BABAM2: variants seen among roughly 807,000 people sequenced by gnomAD.
BABAM2 encodes the protein BRISC and BRCA1 A complex member 2, also known as BRISC and BRCA1-A complex member 2.
Under a neutral mutation model 54.7 loss-of-function variants are expected in BABAM2, and 31 were observed. The ratio of observed to expected loss-of-function variants is 0.57; its 90% CI spans 0.43 to 0.77. The LOEUF (loss-of-function observed/expected upper bound fraction) is 0.77. Ranked by LOEUF, BABAM2 falls within the 30% of genes least tolerant of loss-of-function variation. The pLI is 0.00. For missense variants in BABAM2, 364 were observed against 455.8 expected, an observed-to-expected ratio of 0.80 and a Z score of 1.83; for synonymous variants, 167 against 162.9, an observed-to-expected ratio of 1.03 and a Z score of -0.19.
At chr2:28,003,817 G>T (rs1204182717) in intron 4 of BABAM2, among the ~76,000 whole-genome samples, 1 of 152,070 alleles carries the variant, frequency 6.6e-6, no homozygotes, top group Admixed American at 6.5e-5. Context: ...ATGTAAAAAT[G>T]GAAAGAAAAC....
chr2:28,016,660 A>G (rs1019379996), intron 4 of BABAM2, among the ~76,000 whole-genome samples: 1 of 152,248 alleles, frequency 6.6e-6, no homozygotes, highest in Admixed American at 6.5e-5. Flanking sequence ...ATCAGACTCT[A>G]TAGGCTCTGC....
intron 7 of BABAM2, among the ~76,000 whole-genome samples, chr2:28,207,924 G>T (rs6753587): frequency 0.86 from 130,142 of 152,106 alleles, 55,973 homozygotes; most frequent in East Asian, 1. Context: ...TTTTGTTTCT[G>T]TCCTTCACAA....
At chr2:27,957,493 T>A (rs1279921668) in intron 3 of BABAM2, among the ~76,000 whole-genome samples, 1 of 152,232 alleles carries the variant, frequency 6.6e-6, no homozygotes. Flanking sequence ...TAATTTGCTT[T>A]CTACCCTCTA....
chr2:27,914,210 C>A (rs150725499), intron 2 of BABAM2, among the ~76,000 whole-genome samples: 18 of 152,250 alleles, frequency 1.2e-4, no homozygotes, highest in African/African-American at 4.3e-4. Context: ...TATCTCTAGT[C>A]ATGTGGAAGC....
At chr2:27,975,005 A>C (rs1671487633) in intron 3 of BABAM2, among the ~76,000 whole-genome samples, 1 of 152,092 alleles carries the variant, frequency 6.6e-6, no homozygotes, top group Non-Finnish European at 1.5e-5. Flanking sequence ...TGCCAAAAAA[A>C]TGCTTAGTTA....
chr2:28,261,735 C>T (rs943436755), intron 10 of BABAM2, among the ~76,000 whole-genome samples: 4 of 151,764 alleles, frequency 2.6e-5, no homozygotes, highest in African/African-American at 9.7e-5. Context: ...TTCCTTCTTC[C>T]CTTCCTTTCT....
Position 28,226,708 on chromosome 2 carries a change from G to A in BABAM2, c.681-10494G>A, listed in dbSNP as rs145282945. On this transcript the variant is annotated intron_variant, in intron 7 of 11. Coordinates refer to ENST00000379624, the MANE Select transcript of BABAM2 (RefSeq NM_199191.3). ...AGACCTGAAGCAGGTGAAGAAGCCC[G>A]CCCCGCAAATGGCTGGGAAGAGTTC... Among the ~76,000 whole-genome samples the A allele has an allele frequency of 3.3e-3, 510 of 152,318 alleles. 8 individuals carry two copies. Among genetic ancestry groups the A allele is most frequent in the South Asian group, 0.028 (137 of 4,822 alleles).
At chr2:27,999,389 A>C (rs1199474179) in intron 4 of BABAM2, among the ~76,000 whole-genome samples, 1 of 152,164 alleles carries the variant, frequency 6.6e-6, no homozygotes, top group African/African-American at 2.4e-5. Context: ...ACAAAAGTAC[A>C]GAGAAGCATC....
In BABAM2 at chr2:28,036,776, T is replaced by C. The variant is rs73922203; in HGVS notation, c.496-8949T>C. Among the ~76,000 whole-genome samples the C allele has an allele frequency of 1.6e-3, 246 of 152,348 alleles. 1 individual carries two copies. Among genetic ancestry groups the C allele is most frequent in the African/African-American group, 5.6e-3 (231 of 41,584 alleles). On this transcript the variant is annotated intron_variant, in intron 5 of 11. Coordinates refer to ENST00000379624, the MANE Select transcript of BABAM2 (RefSeq NM_199191.3). ...TTTTGTTTGTTCAAATTAGTTTGAATTGGAGTTCTGTCACTGGAAACTGAG... is the reference window on the plus strand; with the variant it reads ...TTTTGTTTGTTCAAATTAGTTTGAACTGGAGTTCTGTCACTGGAAACTGAG...
At chr2:28,106,153 G>A (rs1667505450) in intron 6 of BABAM2, among the ~76,000 whole-genome samples, 2 of 151,042 alleles carry the variant, frequency 1.3e-5, no homozygotes, top group Non-Finnish European at 3.0e-5. Context: ...TTGCAATATG[G>A]TAAAAAAAAA....
chr2:28,273,731 A>T (rs1271896997), intron 10 of BABAM2, among the ~76,000 whole-genome samples: 1 of 152,104 alleles, frequency 6.6e-6, no homozygotes, highest in Admixed American at 6.6e-5. Context: ...AAAAATAAAA[A>T]ATAAAACAGC....
intron 6 of BABAM2, among the ~76,000 whole-genome samples, chr2:28,063,265 G>GTCTTTT (rs1679050687): frequency 6.6e-6 from 1 of 152,160 alleles, no homozygotes; most frequent in Non-Finnish European, 1.5e-5. Flanking sequence ...AAAGACTCTA[G>GTCTTTT]ACAGCACTGT....
At chr2:28,025,614 G>A (rs1675598198) in intron 5 of BABAM2, 194 bp downstream of exon 5, 1 of 520,608 alleles carries the variant, frequency 1.9e-6, no homozygotes, top group Non-Finnish European at 3.1e-6. Context: ...GATATTACCT[G>A]GGAAGTTTGT....
rs1462613076 is a variant in BABAM2, at chr2:28,233,498, A to AG, written c.681-3704_681-3703insG. On this transcript the variant is annotated intron_variant, in intron 7 of 11. Coordinates refer to ENST00000379624, the MANE Select transcript of BABAM2 (RefSeq NM_199191.3). ...TATTTCATGGCACTTTACTTAGTTTATTCAGCATGATCAGGGCAGCATTCA... is the reference window on the plus strand; with the variant it reads ...TATTTCATGGCACTTTACTTAGTTTAGTTCAGCATGATCAGGGCAGCATTCA... Among the ~76,000 whole-genome samples the AG allele has an allele frequency of 2.0e-5, 3 of 152,200 alleles. No homozygotes were observed. The East Asian group carries it at 5.8e-4, about 29-fold the overall frequency.
chr2:28,028,523 T>G (rs1276846458), intron 5 of BABAM2, among the ~76,000 whole-genome samples: 1 of 152,146 alleles, frequency 6.6e-6, no homozygotes, highest in Non-Finnish European at 1.5e-5. Context: ...CTGTCTTCAT[T>G]GGAATGTAAA....
chr2:28,048,568 T>G (rs13402420), intron 6 of BABAM2, among the ~76,000 whole-genome samples: 99,540 of 151,972 alleles, frequency 0.65, 34,275 homozygotes, highest in Middle Eastern at 0.81. Flanking sequence ...GTAGACCAGA[T>G]GAGAAATTTC....
intron 7 of BABAM2, among the ~76,000 whole-genome samples, chr2:28,157,431 A>G (rs1265606730): frequency 2.0e-5 from 3 of 152,226 alleles, no homozygotes; most frequent in East Asian, 1.9e-4. Context: ...CACTCCTAGC[A>G]TATATGAGAC....
At chr2:27,955,982 T>TC (rs902526377) in intron 3 of BABAM2, among the ~76,000 whole-genome samples, 1 of 12,678 alleles carries the variant, frequency 7.9e-5, no homozygotes, top group African/African-American at 2.0e-4. Context: ...TGGCAACATG[T>TC]TTTTTTTTTC....
intron 4 of BABAM2, among the ~76,000 whole-genome samples, chr2:28,014,668 GT>G (rs35336635): frequency 0.083 from 11,417 of 138,008 alleles, 733 homozygotes; most frequent in African/African-American, 0.19. Context: ...TATGAAGCTG[GT>G]TTTTTTTTTT....
Sources: gnomAD v4.1 joint callset for allele counts (sites outside exome capture counted in the v4.1 genomes callset) on GRCh38, gnomAD v4.1.1 for gene constraint, MANE v1.5 for transcripts, NCBI Gene and HGNC (gene_info 2026-07-23, HGNC 2026-07-21) for gene names.